The following ATXN7 variants were observed in gnomAD, a reference collection of about 807,000 sequenced individuals.
ATXN7 encodes ataxin 7.
In ATXN7, 12 loss-of-function variants were observed where a neutral mutation model predicts 70.5. The observed-to-expected ratio is 0.17, with a 90% CI of 0.11 to 0.28. The LOEUF (loss-of-function observed/expected upper bound fraction) is 0.28. Ranked by LOEUF, ATXN7 falls within the 10% of genes least tolerant of loss-of-function variation. ATXN7 has a pLI of 1.00. For missense variants in ATXN7, 1,256 were observed against 1,131.7 expected, an observed-to-expected ratio of 1.11 and a Z score of -1.58; for synonymous variants, 498 against 448.7, an observed-to-expected ratio of 1.11 and a Z score of -1.39.
chr3:63,955,097 T>C (rs2075019040), intron 5 of ATXN7, among the ~76,000 whole-genome samples: 1 of 152,214 alleles, frequency 6.6e-6, no homozygotes, highest in South Asian at 2.1e-4. Context: ...AGATACTTGT[T>C]GAATGACAAA....
At chr3:63,890,509 G>A (rs906067284) in intron 1 of ATXN7, among the ~76,000 whole-genome samples, 4 of 152,290 alleles carry the variant, frequency 2.6e-5, no homozygotes, top group East Asian at 3.9e-4. Flanking sequence ...CTTTCAGATT[G>A]TAAATGCTTT....
At chr3:63,863,411 G>C, upstream of ATXN7, 1 of 1,069,748 alleles carries the variant, frequency 9.3e-7, no homozygotes, top group South Asian at 4.5e-5. Context: ...GACAAACCCG[G>C]ACTCCCTCTG....
At chr3:63,880,628 A>T (rs1371787563) in intron 1 of ATXN7, among the ~76,000 whole-genome samples, 1 of 151,932 alleles carries the variant, frequency 6.6e-6, no homozygotes, top group Non-Finnish European at 1.5e-5. Context: ...TTCTACTGAG[A>T]TTTCATTTGT....
At chr3:63,980,206 G>A (rs1347165252) in intron 6 of ATXN7, 39 bp downstream of exon 6, 1 of 1,612,044 alleles carries the variant, frequency 6.2e-7, no homozygotes, top group East Asian at 2.2e-5. Flanking sequence ...CTTACCTGCT[G>A]GAAATGAAAC....
At chr3:63,890,159 G>A (rs1273731498) in intron 1 of ATXN7, among the ~76,000 whole-genome samples, 2 of 152,176 alleles carry the variant, frequency 1.3e-5, no homozygotes, top group Non-Finnish European at 2.9e-5. Context: ...AGCATCCTAA[G>A]CAACTGTTTG....
upstream of ATXN7, chr3:63,863,841 T>TTGGCGGCGGC (rs1366645607): frequency 2.5e-6 from 3 of 1,210,392 alleles, no homozygotes; most frequent in Admixed American, 4.7e-5. Context: ...GAGGCGGCGG[T>TTGGCGGCGGC]TGGCGGCGGC....
intron 1 of ATXN7, among the ~76,000 whole-genome samples, chr3:63,884,262 CTCAT>C (rs1238391628): frequency 6.6e-6 from 1 of 151,702 alleles, no homozygotes; most frequent in Non-Finnish European, 1.5e-5. Flanking sequence ...CACACACACA[CTCAT>C]TCACTCTCTC....
At chr3:63,979,312 A>T (rs1030442373) in intron 5 of ATXN7, among the ~76,000 whole-genome samples, 6 of 152,224 alleles carry the variant, frequency 3.9e-5, no homozygotes, top group African/African-American at 1.2e-4. Context: ...AAGTGAGATT[A>T]TTAAAAAAGG....
chr3:63,944,198 A>G (rs1005003465), intron 4 of ATXN7, among the ~76,000 whole-genome samples: 11 of 152,226 alleles, frequency 7.2e-5, no homozygotes, highest in African/African-American at 2.7e-4. Flanking sequence ...GATCCCCAGT[A>G]GATGCCTGAA....
intron 4 of ATXN7, among the ~76,000 whole-genome samples, chr3:63,914,711 TCTG>T (rs1245436479): frequency 6.6e-6 from 1 of 152,214 alleles, no homozygotes; most frequent in African/African-American, 2.4e-5. Flanking sequence ...TATCAATAAT[TCTG>T]CTGTAAAGGA....
chr3:63,997,579 T>C, intron 12 of ATXN7: 1 of 1,523,020 alleles, frequency 6.6e-7, no homozygotes, highest in Non-Finnish European at 8.9e-7. Flanking sequence ...TCCTTTGCTC[T>C]AACTTCCAGC....
chr3:63,924,073 G>A (rs540877697), intron 4 of ATXN7, among the ~76,000 whole-genome samples: 2 of 152,292 alleles, frequency 1.3e-5, no homozygotes, highest in East Asian at 3.9e-4. Flanking sequence ...TTTGCTAATG[G>A]CAGTGGTAAT....
At chr3:63,881,069 A>G (rs1269687426) in intron 1 of ATXN7, among the ~76,000 whole-genome samples, 4 of 152,222 alleles carry the variant, frequency 2.6e-5, no homozygotes, top group Non-Finnish European at 5.9e-5. Flanking sequence ...AATGGCTATC[A>G]TTTATTGAGC....
At chr3:63,931,513 G>A (rs1238108332) in intron 4 of ATXN7, among the ~76,000 whole-genome samples, 6 of 152,184 alleles carry the variant, frequency 3.9e-5, no homozygotes, top group Admixed American at 3.9e-4. Flanking sequence ...ACTTTCTCTT[G>A]CTACAGAGAG....
intron 5 of ATXN7, among the ~76,000 whole-genome samples, chr3:63,954,434 A>G (rs1255738079): frequency 1.3e-5 from 2 of 152,102 alleles, no homozygotes; most frequent in African/African-American, 4.8e-5. Context: ...GTGGAGTGCA[A>G]AGGCAGGCTG....
chr3:63,936,915 G>A (rs565153873), intron 4 of ATXN7, among the ~76,000 whole-genome samples: 1 of 152,250 alleles, frequency 6.6e-6, no homozygotes, highest in South Asian at 2.1e-4. Flanking sequence ...CAAGCTTATA[G>A]TAAAGAATGA....
At chr3:63,919,621 T>TTAATTATTA (rs1211195558) in intron 4 of ATXN7, among the ~76,000 whole-genome samples, 1 of 152,016 alleles carries the variant, frequency 6.6e-6, no homozygotes, top group Non-Finnish European at 1.5e-5. Flanking sequence ...TTATTATACT[T>TTAATTATTA]TAAGTTTTAG....
At chr3:63,942,640 A>G (rs1388674233) in intron 4 of ATXN7, among the ~76,000 whole-genome samples, 1 of 152,228 alleles carries the variant, frequency 6.6e-6, no homozygotes, top group East Asian at 1.9e-4. Flanking sequence ...TAAGTACTTA[A>G]TACATAGTGT....
At chr3:63,920,330 C>G (rs1308887384) in intron 4 of ATXN7, among the ~76,000 whole-genome samples, 2 of 152,164 alleles carry the variant, frequency 1.3e-5, no homozygotes. Context: ...GTCCTGTGAT[C>G]TAGGTATCAC....
Sources: gnomAD v4.1 joint callset for allele counts (sites outside exome capture counted in the v4.1 genomes callset) on GRCh38, gnomAD v4.1.1 for gene constraint, MANE v1.5 for transcripts, NCBI Gene and HGNC (gene_info 2026-07-23, HGNC 2026-07-21) for gene names.